COX10: variants seen among roughly 807,000 people sequenced by gnomAD.
The protein encoded by COX10 is cytochrome c oxidase assembly factor heme A:farnesyltransferase COX10.
COX10 carries 27 observed loss-of-function variants against 37.3 expected under a neutral mutation model. That is an observed-to-expected ratio of 0.72 (90% CI 0.53 to 1.00). The LOEUF (loss-of-function observed/expected upper bound fraction) is 1.00, where lower values mean the gene tolerates loss of function less well. Ranked by LOEUF, COX10 falls within the 50% of genes least tolerant of loss-of-function variation. The pLI, the probability that COX10 is intolerant of heterozygous loss-of-function variation, is 0.00. For synonymous variants in COX10, 222 were observed against 229.1 expected (o/e 0.97, Z 0.28); for missense variants, 475 against 563.2 (o/e 0.84, Z 1.59).
intron 5 of COX10, among the ~76,000 whole-genome samples, chr17:14,185,490 C>G (rs1905997311): frequency 6.6e-6 from 1 of 151,672 alleles, no homozygotes; most frequent in Admixed American, 6.6e-5. Context: ...CTTTTCTAAC[C>G]TTTTTCTATC....
At chr17:14,141,121 G>C (rs1209192788) in intron 4 of COX10, among the ~76,000 whole-genome samples, 1 of 151,820 alleles carries the variant, frequency 6.6e-6, no homozygotes, top group Admixed American at 6.6e-5. Flanking sequence ...TAATTTATCT[G>C]TTTTACATCT....
At chr17:14,184,350 T>C (rs571215881) in intron 5 of COX10, among the ~76,000 whole-genome samples, 2 of 152,190 alleles carry the variant, frequency 1.3e-5, no homozygotes, top group Admixed American at 6.5e-5. Flanking sequence ...CTGATCCTAC[T>C]CAGCATGCTT....
At chr17:14,095,158 C>T (rs1206120666) in intron 3 of COX10, among the ~76,000 whole-genome samples, 3 of 152,200 alleles carry the variant, frequency 2.0e-5, no homozygotes, top group Non-Finnish European at 4.4e-5. Flanking sequence ...GAAATAATTT[C>T]CTGTCACCAG....
intron 4 of COX10, among the ~76,000 whole-genome samples, chr17:14,130,400 T>G (rs1567597995): frequency 6.6e-6 from 1 of 152,128 alleles, no homozygotes; most frequent in Non-Finnish European, 1.5e-5. Context: ...GGACTTCTGA[T>G]AGAGTTACTT....
At chr17:14,172,186 A>G (rs1002900561) in intron 5 of COX10, among the ~76,000 whole-genome samples, 3 of 152,116 alleles carry the variant, frequency 2.0e-5, no homozygotes, top group African/African-American at 7.2e-5. Context: ...CAAAACACAT[A>G]TCTTTGCTGT....
Position 14,102,184 on chromosome 17 carries a change from T to G in COX10, c.566T>G (p.Phe189Cys), listed in dbSNP as rs750163083. 6.2e-6 allele frequency: 10 copies of G among 1,613,792 alleles called. No individual in the cohort carries two copies. The highest frequency in any genetic ancestry group is 8.5e-6 in the Non-Finnish European group (10 of 1,179,766). Residue 189 changes from phenylalanine to cysteine, a missense_variant, in exon 4 of 7, where the codon TTC becomes TGC. By Grantham distance (205) the Phe-to-Cys change is radical. Coordinates refer to ENST00000261643, the MANE Select transcript of COX10 (RefSeq NM_001303.4). ...LAPGPFDWPC[F>C]LLTSVGTGLA... Reference sequence around the variant, plus strand: ...CCGGGCCCTTTTGACTGGCCCTGTTTCCTGCTTACTTCTGTTGGGACAGGC... The same window carrying G: ...CCGGGCCCTTTTGACTGGCCCTGTTGCCTGCTTACTTCTGTTGGGACAGGC...
At chr17:14,077,551 AC>A in intron 3 of COX10, among the ~76,000 whole-genome samples, 1 of 152,298 alleles carries the variant, frequency 6.6e-6, no homozygotes, top group South Asian at 2.1e-4. Context: ...GAGATTTGGA[AC>A]CAGATTTTGT....
chr17:14,070,140 A>G (rs1310782430), intron 1 of COX10, among the ~76,000 whole-genome samples: 2 of 152,122 alleles, frequency 1.3e-5, no homozygotes, highest in African/African-American at 2.4e-5. Context: ...TTGTCTCTGT[A>G]CCGCCAGAGT....
chr17:14,075,833 T>TA (rs202124779), intron 2 of COX10, among the ~76,000 whole-genome samples: 1,725 of 149,668 alleles, frequency 0.012, 28 homozygotes, highest in African/African-American at 0.04. Context: ...TACTAAAAAG[T>TA]AAAAAAAAAT....
chr17:14,187,189 A>T (rs1211720024), intron 5 of COX10, among the ~76,000 whole-genome samples: 1 of 151,538 alleles, frequency 6.6e-6, no homozygotes, highest in East Asian at 1.9e-4. Flanking sequence ...AATCCCTACA[A>T]CATTTGCATA....
At chr17:14,147,453 A>G (rs868275047) in intron 4 of COX10, among the ~76,000 whole-genome samples, 76 of 152,224 alleles carry the variant, frequency 5.0e-4, no homozygotes, top group African/African-American at 1.7e-3. Flanking sequence ...AACCAAAACA[A>G]TGGAGCCCAT....
chr17:14,080,351 C>A (rs1476308067), intron 3 of COX10, among the ~76,000 whole-genome samples: 1 of 151,230 alleles, frequency 6.6e-6, no homozygotes, highest in Non-Finnish European at 1.5e-5. Context: ...GTAGCTGGGA[C>A]CACAGGCACC....
chr17:14,138,726 G>C (rs1249198655), intron 4 of COX10, among the ~76,000 whole-genome samples: 1 of 152,134 alleles, frequency 6.6e-6, no homozygotes, highest in Non-Finnish European at 1.5e-5. Flanking sequence ...AGATCTTACT[G>C]TACTGCCTCC....
chr17:14,079,728 C>T (rs1239818843), intron 3 of COX10, among the ~76,000 whole-genome samples: 4 of 151,880 alleles, frequency 2.6e-5, no homozygotes, highest in Non-Finnish European at 5.9e-5. Context: ...AAGAAAGTAT[C>T]CTTTCCCACC....
chr17:14,120,804 G>A (rs1378381942), intron 4 of COX10, among the ~76,000 whole-genome samples: 2 of 152,134 alleles, frequency 1.3e-5, no homozygotes, highest in African/African-American at 4.8e-5. Context: ...TATATCCTCT[G>A]GAATATAGTG....
chr17:14,202,198 A>G (rs1333045396), intron 6 of COX10, among the ~76,000 whole-genome samples: 1 of 150,928 alleles, frequency 6.6e-6, no homozygotes, highest in Admixed American at 6.6e-5. Flanking sequence ...GAATGTCACA[A>G]ACTTTAGTCT....
At chr17:14,094,320 T>C (rs1915596465) in intron 3 of COX10, among the ~76,000 whole-genome samples, 2 of 150,894 alleles carry the variant, frequency 1.3e-5, no homozygotes, top group Non-Finnish European at 3.0e-5. Context: ...TATATATAAA[T>C]GGATAGTTAC....
chr17:14,191,822 T>C (rs1906209675), intron 5 of COX10, among the ~76,000 whole-genome samples, 167 bp from the exon 6 acceptor site: 1 of 152,188 alleles, frequency 6.6e-6, no homozygotes, highest in Non-Finnish European at 1.5e-5. Context: ...TTCTTTCTTA[T>C]TATAAGTTTG....
chr17:14,104,877 GTACA>G (rs996760107), intron 4 of COX10, among the ~76,000 whole-genome samples: 1 of 152,050 alleles, frequency 6.6e-6, no homozygotes, highest in African/African-American at 2.4e-5. Context: ...AGTAAATTAC[GTACA>G]TATTTTGTAA....
Sources: allele counts gnomAD v4.1 joint callset (sites outside exome capture counted in the v4.1 genomes callset), GRCh38; gene constraint gnomAD v4.1.1; transcripts MANE v1.5; gene names NCBI Gene and HGNC (gene_info 2026-07-23, HGNC 2026-07-21).